EYS: variants seen among roughly 807,000 people sequenced by gnomAD.
EYS encodes EGF-like photoreceptor maintenance factor.
EYS carries 250 observed loss-of-function variants against 282.1 expected under a neutral mutation model. The observed-to-expected ratio is 0.89, with a 90% CI of 0.80 to 0.98. EYS has a LOEUF of 0.98. EYS is among the 50% of genes least tolerant of loss of function. EYS has a pLI of 0.00. For synonymous variants in EYS, 1,355 were observed against 1,282.9 expected, an observed-to-expected ratio of 1.06 and a Z score of -1.20; for missense variants, 4,016 against 3,709.0, an observed-to-expected ratio of 1.08 and a Z score of -2.15.
intron 29 of EYS, among the ~76,000 whole-genome samples, chr6:64,317,314 T>A (rs1770011790): frequency 1.3e-5 from 2 of 148,416 alleles, no homozygotes; most frequent in Admixed American, 6.7e-5. Context: ...AAATTCAGAA[T>A]CTACAAAGAA....
At chr6:64,122,665 A>T (rs1456321537) in intron 31 of EYS, among the ~76,000 whole-genome samples, 2 of 142,074 alleles carry the variant, frequency 1.4e-5, no homozygotes, top group Non-Finnish European at 2.9e-5. Flanking sequence ...TTAATATGTT[A>T]AAAAAATGAA....
chr6:64,822,588 T>TGA lies in EYS; in HGVS notation c.3164+62_3164+63insTC, dbSNP rs1764931923. 2.2e-5 allele frequency: 28 copies of TGA among 1,286,980 alleles called. 1 individual carries two copies. In the South Asian group the frequency reaches 3.7e-4, roughly 17 times the overall value. 79.7% of individuals were successfully genotyped at this position (1,286,980 alleles called of 1,614,324 possible). ...ATCTTTATCAACTTTCCCTTGATGTTAAGTCTTAAATATTGTGAGTTAAAT... is the reference window on the plus strand; with the variant it reads ...ATCTTTATCAACTTTCCCTTGATGTTGAAAGTCTTAAATATTGTGAGTTAAAT... On this transcript the variant is annotated intron_variant, in intron 20 of 42. Transcript: ENST00000503581.
chr6:65,247,676 G>C (rs1349734560), intron 12 of EYS, among the ~76,000 whole-genome samples: 1 of 152,020 alleles, frequency 6.6e-6, no homozygotes, highest in Non-Finnish European at 1.5e-5. Context: ...TGGCAAATTT[G>C]TAAACCACAG....
chr6:63,867,157 C>G (rs1199500379), intron 35 of EYS, among the ~76,000 whole-genome samples: 1 of 152,142 alleles, frequency 6.6e-6, no homozygotes, highest in African/African-American at 2.4e-5. Flanking sequence ...TTATGTAAGA[C>G]AGTTGACTTT....
intron 28 of EYS, among the ~76,000 whole-genome samples, chr6:64,419,563 C>A (rs1014101928): frequency 1.3e-5 from 2 of 152,236 alleles, no homozygotes; most frequent in Admixed American, 6.5e-5. Flanking sequence ...TTAGTTACTT[C>A]CTAGATAAAA....
At chr6:64,092,437 T>C (rs905852120) in intron 31 of EYS, among the ~76,000 whole-genome samples, 4 of 151,762 alleles carry the variant, frequency 2.6e-5, no homozygotes, top group Admixed American at 6.6e-5. Flanking sequence ...TTTTAATGAT[T>C]GCCATTCTAA....
At chr6:64,301,672 C>T (rs567126301) in intron 30 of EYS, among the ~76,000 whole-genome samples, 2 of 152,274 alleles carry the variant, frequency 1.3e-5, no homozygotes, top group East Asian at 1.9e-4. Context: ...CTGCAAATAG[C>T]CATCTCTGAT....
chr6:64,275,817 T>C (rs1768097777), intron 30 of EYS, among the ~76,000 whole-genome samples: 1 of 148,792 alleles, frequency 6.7e-6, no homozygotes, highest in Non-Finnish European at 1.5e-5. Context: ...AATAAAAAAA[T>C]AGCTGGGCGT....
intron 12 of EYS, among the ~76,000 whole-genome samples, chr6:65,135,769 G>C (rs1776007875): frequency 6.6e-6 from 1 of 151,858 alleles, no homozygotes; most frequent in Admixed American, 6.6e-5. Flanking sequence ...TTTTAGTAGT[G>C]ACCATTCATT....
At chr6:64,811,010 AAAT>A (rs1764575272) in intron 22 of EYS, among the ~76,000 whole-genome samples, 1 of 152,112 alleles carries the variant, frequency 6.6e-6, no homozygotes, top group East Asian at 1.9e-4. Context: ...TTTAAATATC[AAAT>A]AATAATTTTA....
chr6:64,891,231 T>A (rs1272019312), intron 18 of EYS, among the ~76,000 whole-genome samples: 1 of 151,974 alleles, frequency 6.6e-6, no homozygotes, highest in Non-Finnish European at 1.5e-5. Context: ...AATATTCAAC[T>A]TATATTTCTT....
chr6:63,969,450 G>A (rs937489164), intron 35 of EYS, among the ~76,000 whole-genome samples: 4 of 152,186 alleles, frequency 2.6e-5, no homozygotes, highest in African/African-American at 9.7e-5. Flanking sequence ...AGAGAGAATA[G>A]CCTAATGGAT....
intron 19 of EYS, among the ~76,000 whole-genome samples, chr6:64,824,084 T>C (rs1357383023): frequency 6.6e-6 from 1 of 151,884 alleles, no homozygotes. Flanking sequence ...ACAGATCCTC[T>C]TTACATTATC....
At chr6:64,219,766 G>A (rs1027639686) in intron 31 of EYS, among the ~76,000 whole-genome samples, 4 of 152,128 alleles carry the variant, frequency 2.6e-5, no homozygotes, top group African/African-American at 9.7e-5. Context: ...CAATAGCAAA[G>A]ACTTGGAACC....
intron 12 of EYS, among the ~76,000 whole-genome samples, chr6:65,129,362 T>G (rs930810619): frequency 6.6e-6 from 1 of 151,826 alleles, no homozygotes; most frequent in Non-Finnish European, 1.5e-5. Flanking sequence ...ACAAGAGACA[T>G]TCTCAATAGA....
chr6:64,079,018 T>C (rs1239874021), intron 32 of EYS, among the ~76,000 whole-genome samples: 2 of 152,082 alleles, frequency 1.3e-5, no homozygotes, highest in Non-Finnish European at 2.9e-5. Flanking sequence ...AGAAAATGCC[T>C]TCCAATTCTA....
chr6:64,410,825 A>G (rs1476525323), intron 28 of EYS, among the ~76,000 whole-genome samples: 1 of 152,166 alleles, frequency 6.6e-6, no homozygotes, highest in African/African-American at 2.4e-5. Flanking sequence ...CTCACCTACT[A>G]TGATGATAAA....
chr6:65,471,709 T>C (rs1171199353), intron 5 of EYS, among the ~76,000 whole-genome samples: 1 of 152,162 alleles, frequency 6.6e-6, no homozygotes, highest in Non-Finnish European at 1.5e-5. Flanking sequence ...CTATTTTTTC[T>C]CTTCTATGAA....
chr6:64,862,853 T>C (rs1766294514), intron 19 of EYS, among the ~76,000 whole-genome samples: 1 of 152,130 alleles, frequency 6.6e-6, no homozygotes. Flanking sequence ...TTTATATGTA[T>C]ATATTCAAAT....
Sources: allele counts gnomAD v4.1 joint callset (sites outside exome capture counted in the v4.1 genomes callset), GRCh38; gene constraint gnomAD v4.1.1; transcripts MANE v1.5; gene names NCBI Gene and HGNC (gene_info 2026-07-23, HGNC 2026-07-21).